Variants in COL23A1 observed in about 807,000 individuals in gnomAD.
COL23A1 encodes the protein collagen alpha-1(XXIII) chain.
A neutral mutation model predicts 99.3 loss-of-function variants in COL23A1; 97 were observed. The observed-to-expected ratio is 0.98, with a 90% confidence interval of 0.83 to 1.16. The LOEUF (loss-of-function observed/expected upper bound fraction) is 1.16, where lower values mean the gene tolerates loss of function less well. Among genes scored for constraint, COL23A1 ranks in the 50% most tolerant of loss-of-function variants. COL23A1 has a pLI of 0.00. For missense variants in COL23A1, 762 were observed against 757.4 expected, an observed-to-expected ratio of 1.01 and a Z score of -0.07; for synonymous variants, 320 against 308.2, an observed-to-expected ratio of 1.04 and a Z score of -0.40.
chr5:178,495,699 C>G (rs567637945), intron 2 of COL23A1, among the ~76,000 whole-genome samples: 2 of 152,008 alleles, frequency 1.3e-5, no homozygotes, highest in East Asian at 3.9e-4. Context: ...GCACGGGGAC[C>G]AAGAAACAGC....
At chr5:178,475,363 T>C (rs369310986) in intron 2 of COL23A1, among the ~76,000 whole-genome samples, 18 of 151,988 alleles carry the variant, frequency 1.2e-4, no homozygotes, top group African/African-American at 3.4e-4. Context: ...AAAGATGCCA[T>C]TGAAGCAGAA....
rs1184497651 is a variant in COL23A1 at position 178,415,145 on chromosome 5, T to C, written c.362-108226A>G. Among the ~76,000 whole-genome samples the C allele has an allele frequency of 6.6e-6, 1 of 152,094 alleles. No individual in the cohort carries two copies. The highest frequency in any genetic ancestry group is 1.5e-5 in the Non-Finnish European group (1 of 68,008). ...CTCTGCCCCAGTGAGCTGGGCTGCT[T>C]GGATTCAGCCTCTGACTCTCCCAGG... On this transcript the variant is annotated intron_variant, in intron 2 of 28. Coordinates refer to ENST00000390654, the MANE Select transcript of COL23A1 (RefSeq NM_173465.4). This position sits in a 1 kb window ranked among gnomAD's most constrained non-coding sequence, Gnocchi z 4.6.
chr5:178,525,057 GCGCGCAGACCCCAGGACCCGAAGGC>G (rs1760237111), intron 2 of COL23A1, among the ~76,000 whole-genome samples: 4 of 151,058 alleles, frequency 2.6e-5, no homozygotes, highest in African/African-American at 9.8e-5. Context: ...TGGCGACACA[GCGCGCAGACCCCAGGACCCGAAGGC>G]TAAGCTCACA....
Position 178,589,971 on chromosome 5 carries a change from C to A in COL23A1, c.227G>T (p.Arg76Leu). 18 of 1,332,014 alleles carry A rather than the reference C, an allele frequency of 1.4e-5. No individual in the cohort carries two copies. The highest frequency in any genetic ancestry group is 1.6e-5 in the Non-Finnish European group (17 of 1,047,894). 82.5% of individuals were successfully genotyped at this position (1,332,014 alleles called of 1,614,324 possible). A position where few individuals can be genotyped will look rare whatever the true frequency, so the allele number is the denominator to read the frequency against. Residue 76 changes from arginine to leucine, a missense_variant, in exon 1 of 29, where the codon CGG (arginine) becomes CTG (leucine). Transcript: ENST00000390654. This position sits in a 1 kb window ranked among gnomAD's most constrained non-coding sequence, Gnocchi z 5.4. ...AALEEERELL[R>L]RAGPPGALDA... is the part of the protein sequence containing the mutation. ...CAGGGCGCCTGGCGGCCCCGCGCGC[C>A]GCAGCAGCTCCCGCTCCTCCTCGAG... is the stretch of plus-strand genomic sequence containing the variant.
chr5:178,539,545 C>CAAAAAAAAA (rs58424731), intron 2 of COL23A1, among the ~76,000 whole-genome samples: 136 of 78,240 alleles, frequency 1.7e-3, no homozygotes, highest in East Asian at 2.4e-3. Flanking sequence ...GACTCTGTCT[C>CAAAAAAAAA]AAAAAAAAAA....
intron 2 of COL23A1, among the ~76,000 whole-genome samples, chr5:178,363,678 G>A (rs902542835): frequency 3.3e-5 from 5 of 152,128 alleles, no homozygotes; most frequent in Non-Finnish European, 5.9e-5. Flanking sequence ...CCACAGAGCC[G>A]ATGGCTGCTT....
At chr5:178,534,622 T>C (rs1760834163) in intron 2 of COL23A1, among the ~76,000 whole-genome samples, 1 of 152,002 alleles carries the variant, frequency 6.6e-6, no homozygotes, top group African/African-American at 2.4e-5. Context: ...CTACTAAAAA[T>C]CTAAAAATTA....
chr5:178,254,452 C>T (rs1765199910), intron 16 of COL23A1, among the ~76,000 whole-genome samples: 1 of 152,202 alleles, frequency 6.6e-6, no homozygotes, highest in African/African-American at 2.4e-5. Context: ...CACTTTCCTT[C>T]TGGGGTACCC....
At chr5:178,283,647 T>A (rs111365627) in intron 5 of COL23A1, among the ~76,000 whole-genome samples, 2,250 of 152,234 alleles carry the variant, frequency 0.015, 23 homozygotes, top group Middle Eastern at 0.058. Flanking sequence ...ATGTTAAGAG[T>A]TAAGACAATC....
intron 3 of COL23A1, among the ~76,000 whole-genome samples, chr5:178,298,734 C>A (rs1242301695): frequency 6.6e-6 from 1 of 152,226 alleles, no homozygotes; most frequent in East Asian, 1.9e-4. Context: ...AGACAACAAC[C>A]TTCAGGGACT....
chr5:178,290,587 G>T (rs2973774), intron 3 of COL23A1, among the ~76,000 whole-genome samples: 113,109 of 151,958 alleles, frequency 0.74, 43,712 homozygotes, highest in Non-Finnish European at 0.87. Flanking sequence ...GGTCACGGGG[G>T]TGGTGGTGAC....
chr5:178,358,522 T>C (rs1014825344), intron 2 of COL23A1, among the ~76,000 whole-genome samples: 4 of 137,522 alleles, frequency 2.9e-5, no homozygotes, highest in African/African-American at 8.5e-5. Flanking sequence ...TATGTGTGTA[T>C]GTATGTCTAG....
chr5:178,308,830 G>T lies in COL23A1; in HGVS notation c.362-1911C>A, dbSNP rs538498173. 2.6e-5 allele frequency among the ~76,000 whole-genome samples: 4 copies of T among 152,212 alleles called. No homozygotes were observed. The highest frequency in any genetic ancestry group is 2.1e-4 in the South Asian group (1 of 4,820). ...TTGGGGGGCAGGTCAGCACTCTCGG[G>T]GGGGGCTTTCCTCCTCTCTGGGCCT... On this transcript the variant is annotated intron_variant, in intron 2 of 28. Transcript: ENST00000390654. The surrounding 1 kb of genome is among the most constrained non-coding windows in gnomAD (Gnocchi z 5.1).
At chr5:178,418,634 GC>G (rs762307764) in intron 2 of COL23A1, among the ~76,000 whole-genome samples, 3 of 150,264 alleles carry the variant, frequency 2.0e-5, no homozygotes, top group Non-Finnish European at 2.9e-5. Context: ...CAGCCTCCCA[GC>G]CCCACAGTGA....
At chr5:178,539,045 T>C (rs1423759706) in intron 2 of COL23A1, among the ~76,000 whole-genome samples, 1 of 152,182 alleles carries the variant, frequency 6.6e-6, no homozygotes, top group African/African-American at 2.4e-5. Context: ...AGAAATTAAA[T>C]AGATTCGTGG....
At chr5:178,519,699 C>G (rs1390965623) in intron 2 of COL23A1, among the ~76,000 whole-genome samples, 1 of 152,238 alleles carries the variant, frequency 6.6e-6, no homozygotes, top group Admixed American at 6.5e-5. Flanking sequence ...CTGCCCATCA[C>G]TGTATCTAAG....
chr5:178,310,591 G>C lies in COL23A1; in HGVS notation c.362-3672C>G, dbSNP rs139515535. Among the ~76,000 whole-genome samples, 6 of 152,290 alleles carry C rather than the reference G, an allele frequency of 3.9e-5. No homozygotes were observed. The highest frequency in any genetic ancestry group is 8.8e-5 in the Non-Finnish European group (6 of 68,012). ...GCCCTTCATAGTCTGTGGCTCCCAAGTGCAAGGACAGTTGTGTCCCATATG... is the reference window on the plus strand; with the variant it reads ...GCCCTTCATAGTCTGTGGCTCCCAACTGCAAGGACAGTTGTGTCCCATATG... On this transcript the variant is annotated intron_variant, in intron 2 of 28. Transcript: ENST00000390654. This position sits in a 1 kb window ranked among gnomAD's most constrained non-coding sequence, Gnocchi z 4.3.
At chr5:178,559,829 T>C (rs1413114991) in intron 2 of COL23A1, among the ~76,000 whole-genome samples, 1 of 148,050 alleles carries the variant, frequency 6.8e-6, no homozygotes, top group Non-Finnish European at 1.5e-5. Flanking sequence ...CACCTTTCCC[T>C]GCACGTCGAG....
intron 2 of COL23A1, among the ~76,000 whole-genome samples, chr5:178,540,920 C>T (rs1427466112): frequency 1.3e-5 from 2 of 152,050 alleles, no homozygotes; most frequent in African/African-American, 4.8e-5. Context: ...AGAACAAGAC[C>T]CTGTCTCAAA....
Sources: gnomAD v4.1 joint callset for allele counts (sites outside exome capture counted in the v4.1 genomes callset) on GRCh38, gnomAD v4.1.1 for gene constraint, Gnocchi (gnomAD v3.1) non-coding constraint, MANE v1.5 for transcripts, NCBI Gene and HGNC (gene_info 2026-07-23, HGNC 2026-07-21) for gene names.